The following ZBTB7C variants were observed in gnomAD, a reference collection of about 807,000 sequenced individuals.
The protein encoded by ZBTB7C is zinc finger and BTB domain-containing protein 7C.
In ZBTB7C, 8 loss-of-function variants were observed where a neutral mutation model predicts 25.7. That is an observed-to-expected ratio of 0.31 (90% CI 0.18 to 0.56). ZBTB7C has a LOEUF of 0.56. Ranked by LOEUF, ZBTB7C falls within the 20% of genes least tolerant of loss-of-function variation. The pLI is 0.91. For synonymous variants in ZBTB7C, 394 were observed against 369.0 expected, an observed-to-expected ratio of 1.07 and a Z score of -0.78; for missense variants, 824 against 855.2, an observed-to-expected ratio of 0.96 and a Z score of 0.46.
chr18:48,386,276 C>T (rs941954924), intron 1 of ZBTB7C, among the ~76,000 whole-genome samples: 12 of 152,326 alleles, frequency 7.9e-5, no homozygotes, highest in East Asian at 1.9e-4. Flanking sequence ...GAATCTTCCA[C>T]GCTAGATGCT....
chr18:48,317,165 C>T (rs944847757), intron 2 of ZBTB7C, among the ~76,000 whole-genome samples: 1 of 149,196 alleles, frequency 6.7e-6, no homozygotes, highest in African/African-American at 2.5e-5. Context: ...CCCAGCTACT[C>T]AGGAGGCTGA....
At position 48,156,059 on chromosome 18, in the gene ZBTB7C, C is replaced by G. The variant is rs951316999; in HGVS notation, c.-17+29875G>C. Among the ~76,000 whole-genome samples the G allele has an allele frequency of 2.6e-5, 4 of 152,200 alleles. No homozygotes were observed. In the East Asian group the frequency reaches 7.7e-4, roughly 29 times the overall value. On this transcript the variant is annotated intron_variant, in intron 3 of 4. Transcript: ENST00000590800. ...GACCTTATGAAATGACTAACAACAT[C>G]CTGTGTAGGAACGTGTGCATTTATA...
At chr18:48,042,780 T>C (rs1468406729) in intron 3 of ZBTB7C, among the ~76,000 whole-genome samples, 1 of 152,220 alleles carries the variant, frequency 6.6e-6, no homozygotes, top group African/African-American at 2.4e-5. Context: ...ACCCTGGCAG[T>C]CCATGCATTC....
intron 3 of ZBTB7C, among the ~76,000 whole-genome samples, chr18:48,120,772 C>T (rs1367027323): frequency 6.6e-6 from 1 of 152,218 alleles, no homozygotes; most frequent in South Asian, 2.1e-4. Context: ...GTCTGCACAA[C>T]CCCATTCACT....
chr18:48,091,238 A>ATTTTTTTTTTTTT (rs35051690), intron 3 of ZBTB7C, among the ~76,000 whole-genome samples: 4 of 64,670 alleles, frequency 6.2e-5, no homozygotes, highest in Admixed American at 2.2e-4. Context: ...TGCCCGGATA[A>ATTTTTTTTTTTTT]TTTTTTTTTT....
intron 4 of ZBTB7C, among the ~76,000 whole-genome samples, chr18:48,032,036 C>T (rs1037026755): frequency 2.6e-5 from 4 of 152,218 alleles, no homozygotes; most frequent in African/African-American, 9.6e-5. Context: ...GAGGGCTCAG[C>T]TCAGAATCAG....
chr18:48,305,025 G>A (rs1422909252), intron 2 of ZBTB7C, among the ~76,000 whole-genome samples: 1 of 152,050 alleles, frequency 6.6e-6, no homozygotes. Context: ...CTCATTGATT[G>A]ATTGATTTTC....
At chr18:48,236,963 ACCAT>A (rs2145375113) in intron 2 of ZBTB7C, among the ~76,000 whole-genome samples, 1 of 152,320 alleles carries the variant, frequency 6.6e-6, no homozygotes, top group East Asian at 1.9e-4. Flanking sequence ...AGCAATGGCA[ACCAT>A]CCTGAGAAAT....
intron 1 of ZBTB7C, among the ~76,000 whole-genome samples, chr18:48,372,796 G>T (rs1291676667): frequency 1.3e-5 from 2 of 152,100 alleles, no homozygotes; most frequent in Admixed American, 6.6e-5. Flanking sequence ...AGGTCCTGGA[G>T]GCACCATGCC....
At chr18:48,303,577 A>T (rs1379102656) in intron 2 of ZBTB7C, among the ~76,000 whole-genome samples, 2 of 152,200 alleles carry the variant, frequency 1.3e-5, no homozygotes, top group African/African-American at 4.8e-5. Flanking sequence ...GGCCATAAGA[A>T]TAGAGATGGG....
At chr18:48,312,593 T>C (rs917619683) in intron 2 of ZBTB7C, among the ~76,000 whole-genome samples, 10 of 152,196 alleles carry the variant, frequency 6.6e-5, no homozygotes, top group African/African-American at 2.4e-4. Flanking sequence ...ACAAGCTACT[T>C]AAATTCTCTG....
At chr18:48,052,581 G>A (rs2036736353) in intron 3 of ZBTB7C, among the ~76,000 whole-genome samples, 1 of 152,200 alleles carries the variant, frequency 6.6e-6, no homozygotes, top group Non-Finnish European at 1.5e-5. Context: ...AAGGAAAGCA[G>A]AGGCCAGGTG....
At chr18:48,269,075 C>T (rs2044399078) in intron 2 of ZBTB7C, among the ~76,000 whole-genome samples, 1 of 151,778 alleles carries the variant, frequency 6.6e-6, no homozygotes, top group Non-Finnish European at 1.5e-5. Context: ...ATTCTCATGC[C>T]TCAGCCTCCT....
At chr18:48,131,466 A>C (rs549644897) in intron 3 of ZBTB7C, among the ~76,000 whole-genome samples, 1 of 152,172 alleles carries the variant, frequency 6.6e-6, no homozygotes, top group East Asian at 1.9e-4. Flanking sequence ...ATGAAAGGAT[A>C]GTTGTTTTTT....
chr18:48,030,040 C>T, intron 4 of ZBTB7C, 129 bp from the exon 5 acceptor site: 2 of 1,224,758 alleles, frequency 1.6e-6, no homozygotes, highest in Non-Finnish European at 2.3e-6. Context: ...AGAAATAGGT[C>T]TCATGCTAGA....
chr18:48,209,520 C>T (rs566286477), intron 2 of ZBTB7C, among the ~76,000 whole-genome samples: 4 of 152,016 alleles, frequency 2.6e-5, no homozygotes, highest in Admixed American at 1.3e-4. Context: ...TTTGGGAGGC[C>T]GAGGCAGGAG....
At chr18:48,363,038 C>T (rs2047144918) in intron 1 of ZBTB7C, among the ~76,000 whole-genome samples, 1 of 152,172 alleles carries the variant, frequency 6.6e-6, no homozygotes, top group Non-Finnish European at 1.5e-5. Context: ...CTCTCTTTAC[C>T]TCAACATCCT....
intron 2 of ZBTB7C, among the ~76,000 whole-genome samples, chr18:48,294,710 C>T (rs762080392): frequency 6.6e-6 from 1 of 151,498 alleles, no homozygotes; most frequent in South Asian, 2.1e-4. Flanking sequence ...ACACAGAGGG[C>T]TTCACCCCTC....
chr18:48,309,585 T>TA (rs1443969396), intron 2 of ZBTB7C, among the ~76,000 whole-genome samples: 1 of 152,212 alleles, frequency 6.6e-6, no homozygotes, highest in African/African-American at 2.4e-5. Flanking sequence ...GATATGTTTT[T>TA]AAAAGGAAAC....
Sources: gnomAD v4.1 joint callset for allele counts (sites outside exome capture counted in the v4.1 genomes callset) on GRCh38, gnomAD v4.1.1 for gene constraint, MANE v1.5 for transcripts, NCBI Gene and HGNC (gene_info 2026-07-23, HGNC 2026-07-21) for gene names.